SLC30A6: variants seen among roughly 807,000 people sequenced by gnomAD.
SLC30A6 encodes the protein zinc transporter 6.
SLC30A6 carries 55 observed loss-of-function variants against 63.0 expected under a neutral mutation model. The ratio of observed to expected loss-of-function variants is 0.87; its 90% confidence interval spans 0.70 to 1.09. The LOEUF (loss-of-function observed/expected upper bound fraction) is 1.09, where lower values mean the gene tolerates loss of function less well. SLC30A6 is among the 50% of genes least tolerant of loss of function. The pLI is 0.00. For synonymous variants in SLC30A6, 224 were observed against 186.1 expected (o/e 1.20, Z -1.66); for missense variants, 587 against 549.2 (o/e 1.07, Z -0.69).
At chr2:32,178,516 T>C (rs576690983) in intron 4 of SLC30A6, among the ~76,000 whole-genome samples, 28 of 152,012 alleles carry the variant, frequency 1.8e-4, no homozygotes, top group African/African-American at 6.5e-4. Context: ...TCTACTAAAA[T>C]ACAAAAATGA....
intron 13 of SLC30A6, among the ~76,000 whole-genome samples, chr2:32,212,644 C>G (rs72863973): frequency 0.23 from 29,398 of 127,908 alleles, 3,313 homozygotes; most frequent in Middle Eastern, 0.44. Context: ...CCAGGCTAGA[C>G]TGAGTGCAAT....
chr2:32,192,500 C>T (rs1477854250), intron 6 of SLC30A6, 84 bp downstream of exon 6: 1 of 1,226,970 alleles, frequency 8.2e-7, no homozygotes, highest in African/African-American at 1.5e-5. Flanking sequence ...CATTTGCTTT[C>T]AAGGGTATGA....
intron 12 of SLC30A6, among the ~76,000 whole-genome samples, chr2:32,208,755 C>G (rs1685005091): frequency 6.6e-6 from 1 of 152,120 alleles, no homozygotes; most frequent in African/African-American, 2.4e-5. Context: ...CTCAAGTGAT[C>G]TGCCTACCTC....
intron 13 of SLC30A6, among the ~76,000 whole-genome samples, chr2:32,211,402 AAAAAC>A (rs146269431): frequency 0.12 from 18,440 of 152,164 alleles, 1,173 homozygotes; most frequent in Middle Eastern, 0.21. Context: ...CAAGTTTCTT[AAAAAC>A]ACATTATCCC....
intron 4 of SLC30A6, among the ~76,000 whole-genome samples, chr2:32,177,856 CAA>C: frequency 6.6e-6 from 1 of 151,700 alleles, no homozygotes; most frequent in Non-Finnish European, 1.5e-5. Flanking sequence ...CTCGAACTCC[CAA>C]ACTCAAGTCA....
intron 13 of SLC30A6, among the ~76,000 whole-genome samples, chr2:32,216,896 G>GT (rs558509956): frequency 0.015 from 2,138 of 144,490 alleles, 22 homozygotes; most frequent in South Asian, 0.031. Context: ...TTTGAGGTCT[G>GT]TTTTTTTTTT....
intron 10 of SLC30A6, chr2:32,203,380 C>T: frequency 1.9e-6 from 2 of 1,057,308 alleles, no homozygotes; most frequent in Non-Finnish European, 3.0e-6. Flanking sequence ...AATCTAAAAG[C>T]ACGGATGCCA....
intron 1 of SLC30A6, among the ~76,000 whole-genome samples, chr2:32,167,957 C>G (rs368053280): frequency 2.9e-4 from 44 of 152,276 alleles, no homozygotes; most frequent in Middle Eastern, 3.4e-3. Context: ...ACTGTAAGCT[C>G]ATTGAGAGCA....
intron 4 of SLC30A6, among the ~76,000 whole-genome samples, chr2:32,177,137 T>C (rs1323166031): frequency 6.6e-6 from 1 of 152,172 alleles, no homozygotes; most frequent in Non-Finnish European, 1.5e-5. Flanking sequence ...AGTCATTCCG[T>C]TCTCCCACTC....
chr2:32,195,541 C>T (rs578035389), intron 8 of SLC30A6, among the ~76,000 whole-genome samples: 9 of 151,530 alleles, frequency 5.9e-5, no homozygotes, highest in South Asian at 2.1e-4. Flanking sequence ...TTTAGATCAA[C>T]TTCGTCTGCA....
Position 32,220,856 on chromosome 2 carries a change from A to C in SLC30A6, c.*143A>C. ...TGTTCACATTTCATGAAACCTATGA[A>C]ACTATATTTTTGTAAAATGTATTTG... On this transcript the variant is annotated 3_prime_UTR_variant, in exon 14 of 14. Transcript: ENST00000282587. The C allele has an allele frequency of 1.3e-6, 1 of 786,458 alleles. No individual in the cohort carries two copies. The highest frequency in any genetic ancestry group is 1.7e-5 in the African/African-American group (1 of 57,558). The allele number at this position is 786,458 out of a possible 1,614,324, so 48.7% of individuals were successfully genotyped here. A position where few individuals can be genotyped will look rare whatever the true frequency, so the allele number is the denominator to read the frequency against.
intron 11 of SLC30A6, 124 bp from the exon 12 acceptor site, chr2:32,206,762 C>T: frequency 1.5e-6 from 1 of 689,056 alleles, no homozygotes; most frequent in Non-Finnish European, 2.6e-6. Flanking sequence ...TTCTCTAAAT[C>T]ATGATAGGAC....
At chr2:32,203,119 A>G in intron 10 of SLC30A6, 1 of 1,306,764 alleles carries the variant, frequency 7.7e-7, no homozygotes, top group Non-Finnish European at 1.1e-6. Flanking sequence ...GGTAGTTTTA[A>G]AGTTTTGGTG....
intron 4 of SLC30A6, 64 bp downstream of exon 4, chr2:32,175,425 G>T: frequency 7.1e-7 from 1 of 1,416,880 alleles, no homozygotes. Context: ...ATGTGGTATA[G>T]CCATACAATT....
At chr2:32,167,008 G>T (rs1471639545) in intron 1 of SLC30A6, among the ~76,000 whole-genome samples, 1 of 150,942 alleles carries the variant, frequency 6.6e-6, no homozygotes, top group Non-Finnish European at 1.5e-5. Context: ...TAGCACTCAA[G>T]ATAAAGTCCT....
Position 32,186,162 on chromosome 2 carries a change from G to T in SLC30A6, c.284+1824G>T, listed in dbSNP as rs183006938. Among the ~76,000 whole-genome samples the T allele has an allele frequency of 2.2e-4, 34 of 152,056 alleles. No homozygotes were observed. The East Asian group carries it at 6.0e-3, about 27-fold the overall frequency. On this transcript the variant is annotated intron_variant, in intron 5 of 13. Transcript: ENST00000282587. ...CAATTCTTATGCCTCAACCTCCAGG[G>T]TATCTGGGATTACAGGTGTGCACCA...
chr2:32,206,925 A>T lies in SLC30A6; in HGVS notation c.808A>T (p.Ile270Phe). The change falls in exon 12 of 14, where the codon ATC becomes TTC. Residue 270 changes from isoleucine to phenylalanine, a missense_variant. By Grantham distance (21) the Ile-to-Phe change is conservative. Transcript: ENST00000282587. ...TGTTATTGGTCAGTTGGACAAACTC[A>T]TCAGAGAGGTAAGATGGAATAGTAA... is the stretch of plus-strand genomic sequence containing the variant. ...PHVIGQLDKLIREVSTLDGVL... is the reference protein window; with the variant it reads ...PHVIGQLDKLFREVSTLDGVL... 3 of 1,608,488 alleles carry T rather than the reference A, an allele frequency of 1.9e-6. No individual in the cohort carries two copies. Among genetic ancestry groups the T allele is most frequent in the African/African-American group, 1.3e-5 (1 of 74,946 alleles).
chr2:32,207,716 T>TC (rs1239010992), intron 12 of SLC30A6, among the ~76,000 whole-genome samples: 9 of 140,918 alleles, frequency 6.4e-5, no homozygotes, highest in Non-Finnish European at 1.2e-4. Context: ...TTTTTTTTTT[T>TC]CTGAGATGGA....
chr2:32,182,491 A>G (rs978553685), intron 4 of SLC30A6, among the ~76,000 whole-genome samples: 8 of 152,114 alleles, frequency 5.3e-5, no homozygotes, highest in Non-Finnish European at 8.8e-5. Flanking sequence ...CTGGAGCTCT[A>G]TTGGGGGAGC....
Sources: allele counts gnomAD v4.1 joint callset (sites outside exome capture counted in the v4.1 genomes callset), GRCh38; gene constraint gnomAD v4.1.1; transcripts MANE v1.5; gene names NCBI Gene and HGNC (gene_info 2026-07-23, HGNC 2026-07-21).